AGBL3: variants seen among roughly 807,000 people sequenced by gnomAD.
AGBL3 encodes cytosolic carboxypeptidase 3.
Under a neutral mutation model 94.5 loss-of-function variants are expected in AGBL3, and 68 were observed. That is an observed-to-expected ratio of 0.72 (90% CI 0.59 to 0.88). AGBL3 has a LOEUF of 0.88. Among genes scored for constraint, AGBL3 ranks in the 40% least tolerant of loss-of-function variants. The probability of loss-of-function intolerance (pLI) is 0.00; values close to 1 mark genes in which losing one functional copy is unlikely to be tolerated. For missense variants in AGBL3, 934 were observed against 1,103.8 expected, an observed-to-expected ratio of 0.85 and a Z score of 2.18; for synonymous variants, 354 against 370.7, an observed-to-expected ratio of 0.95 and a Z score of 0.52.
Position 135,047,370 on chromosome 7 carries a change from T to A in AGBL3, c.1841+1459T>A, listed in dbSNP as rs143150783. ...AAAACAGGAATGCTAATGTCTAGAT[T>A]TCGGTTCTTTTGGATAAATACCCAG... On this transcript the variant is annotated intron_variant, in intron 11 of 16. Coordinates refer to ENST00000436302, the MANE Select transcript of AGBL3 (RefSeq NM_178563.4). Among the ~76,000 whole-genome samples, 698 of 152,112 alleles carry A rather than the reference T, an allele frequency of 4.6e-3. 3 individuals are homozygous for A. Among genetic ancestry groups the A allele is most frequent in the African/African-American group, 0.016 (668 of 41,534 alleles).
At chr7:135,100,411 C>G (rs1278523300) in intron 15 of AGBL3, among the ~76,000 whole-genome samples, 4 of 152,110 alleles carry the variant, frequency 2.6e-5, no homozygotes, top group African/African-American at 7.2e-5. Context: ...CTCTATCACC[C>G]TTGGCAAGTT....
chr7:135,108,347 T>C (rs61030039), intron 15 of AGBL3, among the ~76,000 whole-genome samples: 4,783 of 152,184 alleles, frequency 0.031, 246 homozygotes, highest in African/African-American at 0.11. Context: ...CTGGTATTGG[T>C]CTTTCCTTTC....
intron 12 of AGBL3, among the ~76,000 whole-genome samples, chr7:135,063,108 AATTT>A (rs763564635): frequency 3.9e-5 from 6 of 152,122 alleles, no homozygotes; most frequent in Admixed American, 1.3e-4. Flanking sequence ...TGTAGCAAGG[AATTT>A]ATTTATTTCT....
chr7:135,098,437 A>G (rs1237280882), intron 15 of AGBL3, among the ~76,000 whole-genome samples: 2 of 152,192 alleles, frequency 1.3e-5, no homozygotes, highest in Non-Finnish European at 2.9e-5. Flanking sequence ...GACAAGGAAA[A>G]AAGTCTGCAC....
chr7:135,060,119 C>G lies in AGBL3; in HGVS notation c.1908+884C>G, dbSNP rs906825620. 5.9e-5 allele frequency among the ~76,000 whole-genome samples: 9 copies of G among 152,178 alleles called. No individual in the cohort carries two copies. In the South Asian group the frequency reaches 1.2e-3, roughly 21 times the overall value. On this transcript the variant is annotated intron_variant, in intron 12 of 16. Transcript: ENST00000436302. ...AAACCAAGCAATATAATCCCTAACA[C>G]ACACTGTTAATAGTCTACCTCAAAA...
At chr7:135,056,580 G>A (rs1228325802) in intron 11 of AGBL3, among the ~76,000 whole-genome samples, 1 of 151,704 alleles carries the variant, frequency 6.6e-6, no homozygotes, top group Non-Finnish European at 1.5e-5. Flanking sequence ...ATATACAATT[G>A]CCTTTCAATA....
intron 4 of AGBL3, chr7:135,012,310 CATTAT>C (rs1014351472): frequency 6.6e-6 from 1 of 151,996 alleles, no homozygotes; most frequent in African/African-American, 2.4e-5. Context: ...GAAATGACTG[CATTAT>C]ATTAAGACTA....
At chr7:135,126,570 C>T (rs749981936) in intron 16 of AGBL3, among the ~76,000 whole-genome samples, 6 of 152,194 alleles carry the variant, frequency 3.9e-5, no homozygotes, top group Non-Finnish European at 8.8e-5. Context: ...AAGAAAACCC[C>T]GAATAGCCAA....
intron 7 of AGBL3, among the ~76,000 whole-genome samples, chr7:135,035,493 G>A (rs1308586958): frequency 6.6e-6 from 1 of 151,994 alleles, no homozygotes; most frequent in Non-Finnish European, 1.5e-5. Context: ...GCAGCTGTAA[G>A]TATATATAAG....
At chr7:135,014,827 A>T (rs4236654) in intron 4 of AGBL3, among the ~76,000 whole-genome samples, 141,673 of 152,192 alleles carry the variant, frequency 0.93, 66,710 homozygotes, top group Non-Finnish European at 1. Flanking sequence ...CTAAGCACAG[A>T]CTCCATTCTT....
chr7:135,122,843 A>T (rs995437305), intron 16 of AGBL3, among the ~76,000 whole-genome samples: 1 of 152,156 alleles, frequency 6.6e-6, no homozygotes, highest in Non-Finnish European at 1.5e-5. Flanking sequence ...AGCAACAACA[A>T]CAGTATCAAC....
chr7:135,034,787 TG>T lies in AGBL3; in HGVS notation c.1198del (p.Val400TyrfsTer9), dbSNP rs2116453421. 2 of 1,552,342 alleles carry T rather than the reference TG, an allele frequency of 1.3e-6. No homozygotes were observed. Among genetic ancestry groups the T allele is most frequent in the East Asian group, 4.9e-5 (2 of 40,928 alleles). ...QLLRDTFVFK[V>X]VPMLNPDGVI... ...CTTCGGGACACTTTTGTCTTCAAGG[TG>T]GTACCCATGCTCAATCCAGATGGTG... On this transcript the variant is annotated frameshift_variant, in exon 7 of 17. Transcript: ENST00000436302. LOFTEE classifies it high-confidence loss of function.
intron 15 of AGBL3, among the ~76,000 whole-genome samples, chr7:135,105,546 G>A (rs1824568182): frequency 6.6e-6 from 1 of 152,204 alleles, no homozygotes; most frequent in Admixed American, 6.5e-5. Flanking sequence ...GGTTGTAGAT[G>A]TGCAGCCTTA....
intron 8 of AGBL3, among the ~76,000 whole-genome samples, chr7:135,042,228 TA>T (rs1339547727): frequency 6.6e-6 from 1 of 152,180 alleles, no homozygotes; most frequent in East Asian, 1.9e-4. Context: ...CACAAACATT[TA>T]TAACAACTCT....
At position 135,036,283 on chromosome 7, in the gene AGBL3, G is replaced by C. The variant is rs567588409; in HGVS notation, c.1338-1135G>C. On this transcript the variant is annotated intron_variant, in intron 7 of 16. Coordinates refer to ENST00000436302, the MANE Select transcript of AGBL3 (RefSeq NM_178563.4). ...TTAGTCATTTTATCAATCAGTTTGA[G>C]GGACTTATTTTTTGTTTTGTTATTT... Among the ~76,000 whole-genome samples, 13 of 152,052 alleles carry C rather than the reference G, an allele frequency of 8.5e-5. 1 individual carries two copies. In the South Asian group the frequency reaches 2.5e-3, roughly 29 times the overall value.
intron 8 of AGBL3, among the ~76,000 whole-genome samples, chr7:135,040,275 C>T (rs1270538872): frequency 6.6e-6 from 1 of 152,138 alleles, no homozygotes; most frequent in African/African-American, 2.4e-5. Context: ...GGCAATCTTT[C>T]CCGGGATTAC....
intron 12 of AGBL3, among the ~76,000 whole-genome samples, chr7:135,061,223 T>A (rs1329180264): frequency 6.6e-6 from 1 of 152,218 alleles, no homozygotes; most frequent in East Asian, 1.9e-4. Context: ...GAGCCTTTGC[T>A]CATTTTTTAA....
At chr7:135,006,773 T>C (rs547726520) in intron 4 of AGBL3, among the ~76,000 whole-genome samples, 1 of 152,074 alleles carries the variant, frequency 6.6e-6, no homozygotes, top group South Asian at 2.1e-4. Flanking sequence ...CAGAACAAAC[T>C]GTCTGCTATA....
At chr7:135,033,388 C>T (rs182977596) in intron 6 of AGBL3, among the ~76,000 whole-genome samples, 1 of 152,266 alleles carries the variant, frequency 6.6e-6, no homozygotes, top group East Asian at 1.9e-4. Context: ...TCCATGGCCA[C>T]ATACCTATCA....
Sources: gnomAD v4.1 joint callset for allele counts (sites outside exome capture counted in the v4.1 genomes callset) on GRCh38, gnomAD v4.1.1 for gene constraint, MANE v1.5 for transcripts, NCBI Gene and HGNC (gene_info 2026-07-23, HGNC 2026-07-21) for gene names.